Variants in ADNP observed in about 807,000 individuals in gnomAD.
The protein encoded by ADNP is activity-dependent neuroprotector homeobox protein.
In ADNP, 4 loss-of-function variants were observed where a neutral mutation model predicts 84.9. That is an observed-to-expected ratio of 0.05 (90% CI 0.02 to 0.11). The LOEUF is 0.11. Ranked by LOEUF, ADNP falls within the 10% of genes least tolerant of loss-of-function variation. The pLI, the probability that ADNP is intolerant of heterozygous loss-of-function variation, is 1.00. For synonymous variants in ADNP, 554 were observed against 468.1 expected (o/e 1.18, Z -2.37); for missense variants, 1,132 against 1,326.0 (o/e 0.85, Z 2.27).
At chr20:50,901,778 G>T (rs1402134580) in intron 5 of ADNP, among the ~76,000 whole-genome samples, 2 of 152,196 alleles carry the variant, frequency 1.3e-5, no homozygotes, top group African/African-American at 2.4e-5. Context: ...AGCAGGCTTC[G>T]TAACTTTTAA....
chr20:50,904,141 A>C, intron 3 of ADNP, 140 bp from the exon 4 acceptor site: 1 of 624,594 alleles, frequency 1.6e-6, no homozygotes, highest in Non-Finnish European at 2.8e-6. Context: ...GTGTACACAC[A>C]CAGACACACA....
chr20:50,893,469 T>C lies in ADNP; in HGVS notation c.1245A>G (p.Ser415=), dbSNP rs755805390. Reference sequence around the variant, plus strand: ...ACTGACCTAACACTCTGGATGCCTGTGACTGAGAGAGGGAAGGAGACTTTA... The same window carrying C: ...ACTGACCTAACACTCTGGATGCCTGCGACTGAGAGAGGGAAGGAGACTTTA... ...GQLKSPSLSQ[S]QASRVLGQSS... Residue 415 remains serine (S), a synonymous_variant, in exon 6 of 6, where the codon TCA becomes TCG. Coordinates refer to ENST00000621696, the MANE Select transcript of ADNP (RefSeq NM_001282531.3). This position sits in a 1 kb window ranked among gnomAD's most constrained non-coding sequence, Gnocchi z 4.4. 6.8e-6 allele frequency: 11 copies of C among 1,614,004 alleles called. No homozygotes were observed. The highest frequency in any genetic ancestry group is 2.2e-5 in the South Asian group (2 of 91,078).
intron 2 of ADNP, among the ~76,000 whole-genome samples, chr20:50,925,601 A>G (rs1984238272): frequency 6.6e-6 from 1 of 152,244 alleles, no homozygotes; most frequent in Non-Finnish European, 1.5e-5. Flanking sequence ...AAGTATCTCA[A>G]CAATCAAGGT....
intron 2 of ADNP, among the ~76,000 whole-genome samples, chr20:50,926,885 C>T (rs1984326708): frequency 6.6e-6 from 1 of 152,090 alleles, no homozygotes; most frequent in African/African-American, 2.4e-5. Flanking sequence ...TATTAAGTTG[C>T]AATTTTCAAA....
intron 1 of ADNP, among the ~76,000 whole-genome samples, chr20:50,929,275 G>A (rs1331620352): frequency 6.6e-6 from 1 of 152,220 alleles, no homozygotes; most frequent in Admixed American, 6.5e-5. Context: ...AAGGGAATCC[G>A]AACCAAGGAT....
chr20:50,925,789 T>C (rs964962383), intron 2 of ADNP, among the ~76,000 whole-genome samples: 1 of 152,242 alleles, frequency 6.6e-6, no homozygotes, highest in Non-Finnish European at 1.5e-5. Flanking sequence ...CTCCAGTTAC[T>C]ATCACAAGCT....
chr20:50,897,483 C>CT (rs1244224073), intron 5 of ADNP, among the ~76,000 whole-genome samples: 5 of 152,204 alleles, frequency 3.3e-5, no homozygotes, highest in Admixed American at 6.5e-5. Context: ...CAATCACAGA[C>CT]TTTGTGATTT....
At chr20:50,921,269 A>G (rs1983938380) in intron 2 of ADNP, among the ~76,000 whole-genome samples, 1 of 152,254 alleles carries the variant, frequency 6.6e-6, no homozygotes, top group Admixed American at 6.5e-5. Context: ...CTGTTCCTGT[A>G]CACATTACAA....
Position 50,891,111 on chromosome 20 carries a change from G to A in ADNP, c.*294C>T, listed in dbSNP as rs1337030013. On this transcript the variant is annotated 3_prime_UTR_variant, in exon 6 of 6. Transcript: ENST00000621696. ...TGACCAATCATTTCACAGAGGGAAA[G>A]AAATGTTGAAAAGGCAGATAAAATA... 2 of 1,179,548 alleles carry A rather than the reference G, an allele frequency of 1.7e-6. No homozygotes were observed. The highest frequency in any genetic ancestry group is 1.0e-6 in the Non-Finnish European group (1 of 954,208). 73.1% of individuals were successfully genotyped at this position (1,179,548 alleles called of 1,614,324 possible).
chr20:50,894,963 A>C (rs115624732), intron 5 of ADNP, among the ~76,000 whole-genome samples: 1 of 152,324 alleles, frequency 6.6e-6, no homozygotes, highest in African/African-American at 2.4e-5. Flanking sequence ...AGAAACTCAA[A>C]AAAAAAGCTA....
At chr20:50,920,317 A>C (rs1460226516) in intron 2 of ADNP, among the ~76,000 whole-genome samples, 1 of 150,754 alleles carries the variant, frequency 6.6e-6, no homozygotes, top group Non-Finnish European at 1.5e-5. Context: ...GCAGTGGCTC[A>C]TGCCTGCAAT....
At chr20:50,928,195 C>G (rs1984412854) in intron 2 of ADNP, among the ~76,000 whole-genome samples, 1 of 152,154 alleles carries the variant, frequency 6.6e-6, no homozygotes, top group African/African-American at 2.4e-5. Context: ...TACACCCATT[C>G]AGTTCTCCAT....
intron 2 of ADNP, among the ~76,000 whole-genome samples, chr20:50,920,646 A>G (rs1356622471): frequency 6.6e-6 from 1 of 151,854 alleles, no homozygotes; most frequent in Non-Finnish European, 1.5e-5. Context: ...GGGACCTTAC[A>G]CCCATGCCAC....
chr20:50,926,229 CTT>C (rs1984282917), intron 2 of ADNP, among the ~76,000 whole-genome samples: 1 of 152,232 alleles, frequency 6.6e-6, no homozygotes, highest in African/African-American at 2.4e-5. Flanking sequence ...CAATGTTTCT[CTT>C]AATGTACATG....
chr20:50,930,584 G>T (rs1026608716), intron 1 of ADNP, among the ~76,000 whole-genome samples: 2 of 152,174 alleles, frequency 1.3e-5, no homozygotes, highest in Non-Finnish European at 1.5e-5. Context: ...CGGAGAAGGG[G>T]GTCGGGCTGC....
intron 2 of ADNP, among the ~76,000 whole-genome samples, chr20:50,914,629 G>A (rs1357036372): frequency 3.3e-5 from 5 of 152,144 alleles, no homozygotes; most frequent in Non-Finnish European, 7.3e-5. Flanking sequence ...CTTGTATACT[G>A]AATTTCGGCT....
Position 50,892,880 on chromosome 20 carries a change from C to A in ADNP, c.1834G>T (p.Ala612Ser), listed in dbSNP as rs1159890902. Residue 612 changes from alanine to serine, a missense_variant, in exon 6 of 6, where the codon GCA becomes TCA. Coordinates refer to ENST00000621696, the MANE Select transcript of ADNP (RefSeq NM_001282531.3). ...CCAACATCTTTTTTATAGGGCACTG[C>A]AGCTTGAGGTGAACTTTTTACAGGG... is the stretch of plus-strand genomic sequence containing the variant. ...DIPVKSSPQA[A>S]VPYKKDVGKT... 6.2e-7 allele frequency: 1 copy of A among 1,614,090 alleles called. No homozygotes were observed. The highest frequency in any genetic ancestry group is 8.5e-7 in the Non-Finnish European group (1 of 1,180,056).
At chr20:50,897,801 A>G (rs1005774789) in intron 5 of ADNP, among the ~76,000 whole-genome samples, 3 of 152,242 alleles carry the variant, frequency 2.0e-5, no homozygotes, top group Non-Finnish European at 4.4e-5. Flanking sequence ...ATCAGCGACA[A>G]TAAGCAAAAG....
chr20:50,927,677 T>A (rs1984382964), intron 2 of ADNP, among the ~76,000 whole-genome samples: 1 of 152,000 alleles, frequency 6.6e-6, no homozygotes, highest in South Asian at 2.1e-4. Context: ...ATTACAGGCG[T>A]AAGCCACCTC....
Sources: allele counts gnomAD v4.1 joint callset (sites outside exome capture counted in the v4.1 genomes callset), GRCh38; gene constraint gnomAD v4.1.1; non-coding constraint Gnocchi (gnomAD v3.1); transcripts MANE v1.5; gene names NCBI Gene and HGNC (gene_info 2026-07-23, HGNC 2026-07-21).